The following CMA1 variants were observed in gnomAD, a reference collection of about 807,000 sequenced individuals.
CMA1 encodes chymase 1.
CMA1 carries 24 observed loss-of-function variants against 18.8 expected under a neutral mutation model. The observed-to-expected ratio is 1.28, with a 90% CI of 0.92 to 1.80. The LOEUF is 1.80. Ranked by LOEUF, CMA1 falls within the 40% of genes most tolerant of loss-of-function variation. The pLI is 0.00. For missense variants in CMA1, 421 were observed against 302.8 expected, an observed-to-expected ratio of 1.39 and a Z score of -2.90; for synonymous variants, 152 against 117.0, an observed-to-expected ratio of 1.30 and a Z score of -1.93.
chr14:24,507,386 A>G lies in CMA1; in HGVS notation c.179T>C (p.Phe60Ser). Residue 60 changes from phenylalanine to serine, a missense_variant, in exon 2 of 5, where the codon TTT becomes TCT. Physicochemically the swap from Phe to Ser is radical, Grantham distance 155. Coordinates refer to ENST00000250378, the MANE Select transcript of CMA1 (RefSeq NM_001836.5). Reference sequence around the variant, plus strand: ...TGCACAATGAGCAGCCGTCAGCACAAAGTTCCGTCTTATAAGGAAACCACC... The same window carrying G: ...TGCACAATGAGCAGCCGTCAGCACAGAGTTCCGTCTTATAAGGAAACCACC... The part of the protein sequence containing the change: ...FCGGFLIRRN[F>S]VLTAAHCAGR... The G allele has an allele frequency of 6.2e-7, 1 of 1,614,134 alleles. No individual in the cohort carries two copies. The highest frequency in any genetic ancestry group is 8.5e-7 in the Non-Finnish European group (1 of 1,180,012).
chr14:24,506,211 T>A lies in CMA1; in HGVS notation c.417A>T (p.Pro139=). The change falls in exon 4 of 5, where the codon CCA becomes CCT. Residue 139 remains proline (P), a synonymous_variant. Transcript: ENST00000250378. ...CAGCCACCCGGCACATTCTCCCAGG[T>A]GGGACAAAGTTGAATTGGGATGGGA... The part of the protein sequence containing the change: ...LPFPSQFNFV[P]PGRMCRVAGW... 1.9e-6 allele frequency: 3 copies of A among 1,614,070 alleles called. No individual in the cohort carries two copies. The highest frequency in any genetic ancestry group is 2.5e-6 in the Non-Finnish European group (3 of 1,180,014).
At chr14:24,506,337 G>A (rs1294836177) in intron 3 of CMA1, 55 bp from the exon 4 acceptor site, 3 of 1,598,876 alleles carry the variant, frequency 1.9e-6, no homozygotes, top group Non-Finnish European at 2.6e-6. Flanking sequence ...GACAGTTGGA[G>A]GTGATCAGGG....
chr14:24,506,431 G>A (rs1268602903), intron 3 of CMA1, 38 bp downstream of exon 3: 1 of 1,612,262 alleles, frequency 6.2e-7, no homozygotes, highest in Non-Finnish European at 8.5e-7. Flanking sequence ...AAGCTTAGGA[G>A]AATGGGAAGT....
chr14:24,506,993 A>G (rs1331785314), intron 2 of CMA1, among the ~76,000 whole-genome samples: 3 of 152,184 alleles, frequency 2.0e-5, no homozygotes, highest in Non-Finnish European at 4.4e-5. Context: ...TGATGGGTTC[A>G]GGACCCTGAG....
In CMA1 at chr14:24,508,230, C is replaced by G. The variant is rs756118157; in HGVS notation, c.6G>C (p.Leu2=). The G allele has an allele frequency of 1.9e-6, 3 of 1,613,346 alleles. No individual in the cohort carries two copies. Among genetic ancestry groups the G allele is most frequent in the Non-Finnish European group, 1.7e-6 (2 of 1,179,800 alleles). The change falls in exon 1 of 5, where the codon CTG becomes CTC. Residue 2 remains leucine (L), a synonymous_variant. Transcript: ENST00000250378. ...AGAGCAGCAGGGGGAGAGGAAGAAGCAGCATCTTCCCAGAGAGGCTGCCTG... is the reference window on the plus strand; with the variant it reads ...AGAGCAGCAGGGGGAGAGGAAGAAGGAGCATCTTCCCAGAGAGGCTGCCTG... M[L]LLPLPLLLFL...
intron 1 of CMA1, among the ~76,000 whole-genome samples, 164 bp from the exon 2 acceptor site, chr14:24,507,670 C>T (rs2138399861): frequency 6.6e-6 from 1 of 152,302 alleles, no homozygotes; most frequent in Admixed American, 6.5e-5. Context: ...CTTTCCCCAC[C>T]CATAACCTCC....
Position 24,505,478 on chromosome 14 carries a change from G to A in CMA1, c.*38C>T, listed in dbSNP as rs1403934872. 1 of 1,613,620 alleles carries A rather than the reference G, an allele frequency of 6.2e-7. No individual in the cohort carries two copies. The highest frequency in any genetic ancestry group is 8.5e-7 in the Non-Finnish European group (1 of 1,179,938). ...GCACACACTTTGCTGCTCAGGTCCAGTTCCAGCTTCCCTTTCAGGCTGGCT... is the reference window on the plus strand; with the variant it reads ...GCACACACTTTGCTGCTCAGGTCCAATTCCAGCTTCCCTTTCAGGCTGGCT... On this transcript the variant is annotated 3_prime_UTR_variant, in exon 5 of 5. Coordinates refer to ENST00000250378, the MANE Select transcript of CMA1 (RefSeq NM_001836.5).
rs754514977 is a variant in CMA1, at chr14:24,506,060, C to T, written c.568G>A (p.Gly190Ser). 1.2e-5 allele frequency: 19 copies of T among 1,614,050 alleles called. No individual in the cohort carries two copies. Among genetic ancestry groups the T allele is most frequent in the African/African-American group, 1.3e-5 (1 of 74,908 alleles). The change falls in exon 4 of 5, where the codon GGC becomes AGC. Residue 190 changes from glycine to serine, a missense_variant. By Grantham distance (56) the Gly-to-Ser change is moderately conservative. Transcript: ENST00000250378. ...GCAGATTTTGTCTTCCTGGGATTGC[C>T]CACACACAGCTGAAGATTGTGGTCA... The part of the protein sequence containing the change: ...DFDHNLQLCV[G>S]NPRKTKSAFK...
intron 4 of CMA1, 63 bp from the exon 5 acceptor site, chr14:24,505,722 C>A: frequency 1.9e-6 from 3 of 1,539,916 alleles, no homozygotes; most frequent in Non-Finnish European, 2.6e-6. Context: ...TGTCTGCCAG[C>A]CAGCTTGGAG....
chr14:24,506,660 C>G (rs2043860223), intron 2 of CMA1, 56 bp from the exon 3 acceptor site: 1 of 1,592,280 alleles, frequency 6.3e-7, no homozygotes, highest in Non-Finnish European at 8.5e-7. Flanking sequence ...GGGGTTTCTT[C>G]TGAGGTGAGC....
intron 2 of CMA1, 40 bp downstream of exon 2, chr14:24,507,316 T>G: frequency 6.2e-7 from 1 of 1,613,290 alleles, no homozygotes; most frequent in African/African-American, 1.3e-5. Context: ...CTCTGGTTGT[T>G]CATCTCCCAT....
At chr14:24,506,305 T>C in intron 3 of CMA1, 23 bp from the exon 4 acceptor site, 6 of 1,609,648 alleles carry the variant, frequency 3.7e-6, no homozygotes, top group Non-Finnish European at 4.2e-6. Context: ...TGAAGGACTG[T>C]CAGTCCTCGA....
Position 24,506,526 on chromosome 14 carries a change from T to G in CMA1, c.288A>C (p.Gln96His). The G allele has an allele frequency of 6.2e-7, 1 of 1,614,196 alleles. No individual in the cohort carries two copies. The highest frequency in any genetic ancestry group is 1.3e-5 in the African/African-American group (1 of 75,054). ...DTWQKLEVIK[Q>H]FRHPKYNTST... is the part of the protein sequence containing the mutation. ...AAGTGTTATATTTTGGATGACGGAA[T>G]TGCTTTATAACCTCAAGCTTCTGCC... is the stretch of plus-strand genomic sequence containing the variant. Residue 96 changes from glutamine to histidine, a missense_variant, in exon 3 of 5, where the codon CAA becomes CAC. Transcript: ENST00000250378.
Position 24,507,524 on chromosome 14 carries a change from AG to A in CMA1, c.59-19del, listed in dbSNP as rs770690012. On this transcript the variant is annotated intron_variant, in intron 1 of 4. Transcript: ENST00000250378. ...GATCTCCCCTGGAACAGAGCACCCC[AG>A]GGTTTGAACACGGCCATAGATACTC... 1.4e-5 allele frequency: 22 copies of A among 1,607,964 alleles called. No individual in the cohort carries two copies. The South Asian group carries it at 2.5e-4, about 18-fold the overall frequency.
chr14:24,507,476 G>A lies in CMA1; in HGVS notation c.89C>T (p.Pro30Leu). 3.7e-6 allele frequency: 6 copies of A among 1,614,116 alleles called. No homozygotes were observed. The highest frequency in any genetic ancestry group is 5.1e-6 in the Non-Finnish European group (6 of 1,180,000). Reference protein sequence around the residue: ...GEIIGGTECKPHSRPYMAYLE... With the variant: ...GEIIGGTECKLHSRPYMAYLE... ...GTAGGCCATGTAGGGGCGGGAATGTGGCTTGCATTCTGTGCCCCCGATGAT... is the reference window on the plus strand; with the variant it reads ...GTAGGCCATGTAGGGGCGGGAATGTAGCTTGCATTCTGTGCCCCCGATGAT... Residue 30 changes from proline to leucine, a missense_variant, in exon 2 of 5, where the codon CCA becomes CTA. Coordinates refer to ENST00000250378, the MANE Select transcript of CMA1 (RefSeq NM_001836.5).
chr14:24,506,413 T>C, intron 3 of CMA1, 56 bp downstream of exon 3: 3 of 1,607,560 alleles, frequency 1.9e-6, no homozygotes, highest in East Asian at 2.2e-5. Flanking sequence ...AATGAGGACC[T>C]GAAGGAGAAG....
chr14:24,507,866 G>T (rs1399042517), intron 1 of CMA1, among the ~76,000 whole-genome samples: 2 of 152,184 alleles, frequency 1.3e-5, no homozygotes, highest in Non-Finnish European at 2.9e-5. Context: ...AAAGTAATGG[G>T]TAGCCCTGAT....
In CMA1 at chr14:24,506,302, C is replaced by A; in HGVS notation, c.346-20G>T. 1 of 1,611,214 alleles carries A rather than the reference C, an allele frequency of 6.2e-7. No homozygotes were observed. Among genetic ancestry groups the A allele is most frequent in the Non-Finnish European group, 8.5e-7 (1 of 1,178,406 alleles). ...CTTCAACTGTGAAGGGAATGAAGGA[C>A]TGTCAGTCCTCGAAATGGGCTCTGG... On this transcript the variant is annotated intron_variant, in intron 3 of 4. Transcript: ENST00000250378.
At chr14:24,507,036 G>A (rs963040665) in intron 2 of CMA1, among the ~76,000 whole-genome samples, 4 of 152,154 alleles carry the variant, frequency 2.6e-5, no homozygotes, top group Admixed American at 2.0e-4. Flanking sequence ...AAAGGCCATA[G>A]AGGAAGTGGC....
Sources: allele counts gnomAD v4.1 joint callset (sites outside exome capture counted in the v4.1 genomes callset), GRCh38; gene constraint gnomAD v4.1.1; transcripts MANE v1.5; gene names NCBI Gene and HGNC (gene_info 2026-07-23, HGNC 2026-07-21).